HCN1: variants seen among roughly 807,000 people sequenced by gnomAD.
HCN1 encodes potassium/sodium hyperpolarization-activated cyclic nucleotide-gated channel 1.
HCN1 carries 13 observed loss-of-function variants against 78.9 expected under a neutral mutation model. The observed-to-expected ratio is 0.16, with a 90% CI of 0.11 to 0.26. The LOEUF is 0.26. HCN1 is among the 10% of genes least tolerant of loss of function. HCN1 has a pLI of 1.00. For synonymous variants in HCN1, 552 were observed against 455.5 expected (o/e 1.21, Z -2.70); for missense variants, 810 against 1,154.3 (o/e 0.70, Z 4.32).
chr5:45,404,259 C>T (rs868625530), intron 3 of HCN1, among the ~76,000 whole-genome samples: 14 of 151,870 alleles, frequency 9.2e-5, no homozygotes, highest in Admixed American at 2.6e-4. Context: ...ATATTATATG[C>T]GAATGGGAGA....
At position 45,468,176 on chromosome 5, in the gene HCN1, T is replaced by C. The variant is rs571024023; in HGVS notation, c.850-6169A>G. 2.6e-5 allele frequency among the ~76,000 whole-genome samples: 4 copies of C among 152,168 alleles called. No homozygotes were observed. In the East Asian group the frequency reaches 7.7e-4, roughly 29 times the overall value. ...TGGTGTATCAAAACTTAAGAAGTCT[T>C]TCTTCTGAGAAATCTTTTTGAAGTG... On this transcript the variant is annotated intron_variant, in intron 2 of 7. Coordinates refer to ENST00000303230, the MANE Select transcript of HCN1 (RefSeq NM_021072.4).
intron 1 of HCN1, among the ~76,000 whole-genome samples, chr5:45,651,274 T>C (rs1473335222): frequency 1.3e-5 from 2 of 152,008 alleles, no homozygotes; most frequent in East Asian, 1.9e-4. Flanking sequence ...TCATGAAATA[T>C]AGCACCTCTT....
intron 3 of HCN1, among the ~76,000 whole-genome samples, chr5:45,422,802 A>G (rs1740255026): frequency 6.6e-6 from 1 of 152,112 alleles, no homozygotes; most frequent in Non-Finnish European, 1.5e-5. Flanking sequence ...GCAACTCACA[A>G]AGTCATATAT....
intron 2 of HCN1, among the ~76,000 whole-genome samples, chr5:45,571,163 T>A (rs1743823251): frequency 6.6e-6 from 1 of 152,142 alleles, no homozygotes; most frequent in South Asian, 2.1e-4. Flanking sequence ...TATGGTCCCT[T>A]CCTCTTTCCT....
At chr5:45,378,631 T>A (rs1416966874) in intron 4 of HCN1, among the ~76,000 whole-genome samples, 8 of 152,142 alleles carry the variant, frequency 5.3e-5, no homozygotes, top group Non-Finnish European at 7.3e-5. Flanking sequence ...TGCACTTTTT[T>A]AAAAATTATA....
At position 45,255,204 on chromosome 5, in the gene HCN1, G is replaced by A. The variant is rs901027236; in HGVS notation, c.*6717C>T. 1 of 152,182 alleles carries A rather than the reference G, an allele frequency of 6.6e-6. No homozygotes were observed. Among genetic ancestry groups the A allele is most frequent in the Non-Finnish European group, 1.5e-5 (1 of 68,046 alleles). 9.4% of individuals were successfully genotyped at this position (152,182 alleles called of 1,614,324 possible). A position where few individuals can be genotyped will look rare whatever the true frequency, so the allele number is the denominator to read the frequency against. On this transcript the variant is annotated 3_prime_UTR_variant, in exon 8 of 8. Coordinates refer to ENST00000303230, the MANE Select transcript of HCN1 (RefSeq NM_021072.4). ...CAAGAGTAAACTTTGGATGGTCCAG[G>A]ATAAAATTATAACATAGGTGGTTTG...
At chr5:45,463,231 C>G (rs1741200714) in intron 2 of HCN1, among the ~76,000 whole-genome samples, 1 of 151,892 alleles carries the variant, frequency 6.6e-6, no homozygotes. Flanking sequence ...TTAAAATACA[C>G]ACACTGAAGT....
chr5:45,363,086 T>C (rs1245550140), intron 4 of HCN1, among the ~76,000 whole-genome samples: 1 of 147,430 alleles, frequency 6.8e-6, no homozygotes, highest in Non-Finnish European at 1.5e-5. Context: ...TATACATATT[T>C]GTGATCTGAA....
At chr5:45,408,582 C>T (rs1347134643) in intron 3 of HCN1, among the ~76,000 whole-genome samples, 1 of 152,020 alleles carries the variant, frequency 6.6e-6, no homozygotes, top group Admixed American at 6.6e-5. Flanking sequence ...ATAATATTGC[C>T]TAAGGATATA....
chr5:45,391,155 G>A (rs555813564), intron 4 of HCN1, among the ~76,000 whole-genome samples: 1 of 152,270 alleles, frequency 6.6e-6, no homozygotes, highest in East Asian at 1.9e-4. Context: ...AAAGAGGAAA[G>A]CATTTAAGAA....
rs1220573108 is a variant in HCN1 at position 45,451,965 on chromosome 5, T to C, written c.1011+9881A>G. Among the ~76,000 whole-genome samples, 5 of 152,128 alleles carry C rather than the reference T, an allele frequency of 3.3e-5. 1 individual carries two copies. In the South Asian group the frequency reaches 6.2e-4, roughly 19 times the overall value. On this transcript the variant is annotated intron_variant, in intron 3 of 7. Transcript: ENST00000303230. ...TGATGGACATTATAAGTAGATATTA[T>C]AAATAATATTCATTCTATATTTAGA...
intron 2 of HCN1, among the ~76,000 whole-genome samples, chr5:45,624,698 G>A (rs975519230): frequency 1.3e-5 from 2 of 152,060 alleles, no homozygotes; most frequent in African/African-American, 4.8e-5. Flanking sequence ...GATGGGGCTG[G>A]AGAGGGGCAT....
chr5:45,524,846 T>G (rs1244805800), intron 2 of HCN1, among the ~76,000 whole-genome samples: 1 of 152,200 alleles, frequency 6.6e-6, no homozygotes, highest in East Asian at 1.9e-4. Context: ...GAATACCCTT[T>G]ATTTCCTTCT....
At chr5:45,449,213 G>T (rs758259582) in intron 3 of HCN1, among the ~76,000 whole-genome samples, 7 of 152,098 alleles carry the variant, frequency 4.6e-5, no homozygotes, top group Non-Finnish European at 1.0e-4. Flanking sequence ...AGTAACCAAG[G>T]TACAAATATG....
intron 2 of HCN1, among the ~76,000 whole-genome samples, chr5:45,583,664 G>A (rs545522731): frequency 9.7e-4 from 147 of 152,102 alleles, no homozygotes; most frequent in Non-Finnish European, 1.4e-3. Flanking sequence ...TGGGCATTTA[G>A]TGCTATAAAT....
chr5:45,590,367 C>T (rs1198376711), intron 2 of HCN1, among the ~76,000 whole-genome samples: 6 of 152,162 alleles, frequency 3.9e-5, no homozygotes, highest in Non-Finnish European at 7.4e-5. Flanking sequence ...CTACCCACTG[C>T]CCTCACACAC....
chr5:45,493,373 T>A (rs895924176), intron 2 of HCN1, among the ~76,000 whole-genome samples: 1 of 152,038 alleles, frequency 6.6e-6, no homozygotes, highest in African/African-American at 2.4e-5. Context: ...GAGTTAAATA[T>A]AATTTTCTAA....
At chr5:45,343,037 A>T (rs923291057) in intron 5 of HCN1, among the ~76,000 whole-genome samples, 6 of 152,196 alleles carry the variant, frequency 3.9e-5, no homozygotes, top group Admixed American at 6.5e-5. Context: ...ATAGAAATAA[A>T]TAGGTATTAT....
chr5:45,337,981 A>G (rs1260207495), intron 5 of HCN1, among the ~76,000 whole-genome samples: 2 of 152,170 alleles, frequency 1.3e-5, no homozygotes, highest in Non-Finnish European at 2.9e-5. Flanking sequence ...AATATCAGCT[A>G]ACTGAATTAA....
Sources: gnomAD v4.1 joint callset for allele counts (sites outside exome capture counted in the v4.1 genomes callset) on GRCh38, gnomAD v4.1.1 for gene constraint, MANE v1.5 for transcripts, NCBI Gene and HGNC (gene_info 2026-07-23, HGNC 2026-07-21) for gene names.